STX12: variants seen among roughly 807,000 people sequenced by gnomAD.
STX12 encodes the protein syntaxin 12, also known as syntaxin-12.
STX12 carries 17 observed loss-of-function variants against 42.2 expected under a neutral mutation model. That is an observed-to-expected ratio of 0.40 (90% CI 0.28 to 0.60). The LOEUF is 0.60. STX12 is among the 20% of genes least tolerant of loss of function. The pLI is 0.39. For missense variants in STX12, 297 were observed against 330.9 expected, an observed-to-expected ratio of 0.90 and a Z score of 0.79; for synonymous variants, 108 against 116.7, an observed-to-expected ratio of 0.93 and a Z score of 0.48.
In STX12 at chr1:27,782,493, C is replaced by T. The variant is rs1018183597; in HGVS notation, c.119-7069C>T. On this transcript the variant is annotated intron_variant, in intron 1 of 8. Coordinates refer to ENST00000373943, the MANE Select transcript of STX12 (RefSeq NM_177424.3). Reference sequence around the variant, plus strand: ...AAATTATACCTTTGATATTTAGTATCCATTTTCACTTTAGTCTAGAACTTT... The same window carrying T: ...AAATTATACCTTTGATATTTAGTATTCATTTTCACTTTAGTCTAGAACTTT... Among the ~76,000 whole-genome samples, 5 of 152,104 alleles carry T rather than the reference C, an allele frequency of 3.3e-5. No homozygotes were observed. In the South Asian group the frequency reaches 8.3e-4, roughly 25 times the overall value.
At chr1:27,800,327 G>T (rs538984580) in intron 3 of STX12, among the ~76,000 whole-genome samples, 1 of 151,998 alleles carries the variant, frequency 6.6e-6, no homozygotes, top group East Asian at 1.9e-4. Context: ...GATTATTCCT[G>T]CCCTCTGAAC....
At chr1:27,800,474 T>C (rs1370232830) in intron 3 of STX12, among the ~76,000 whole-genome samples, 1 of 150,212 alleles carries the variant, frequency 6.7e-6, no homozygotes, top group East Asian at 2.0e-4. Context: ...AACAGGACAA[T>C]GCTGTCAGTA....
chr1:27,784,551 C>T (rs1007062000), intron 1 of STX12, among the ~76,000 whole-genome samples: 13 of 152,112 alleles, frequency 8.5e-5, no homozygotes, highest in Admixed American at 3.9e-4. Flanking sequence ...TAAGTATGCT[C>T]AAGGGCAAAT....
chr1:27,788,620 C>T (rs1046265900), intron 1 of STX12, among the ~76,000 whole-genome samples: 3 of 152,142 alleles, frequency 2.0e-5, no homozygotes, highest in Admixed American at 6.5e-5. Context: ...ATCTGATGTA[C>T]TGGGCATTGA....
intron 5 of STX12, among the ~76,000 whole-genome samples, chr1:27,810,529 A>G (rs1272890973): frequency 6.6e-6 from 1 of 152,180 alleles, no homozygotes. Flanking sequence ...ATTGATGTCT[A>G]TGTGTTAAGC....
chr1:27,782,683 CAAA>C (rs890497786), intron 1 of STX12, among the ~76,000 whole-genome samples: 12 of 151,962 alleles, frequency 7.9e-5, no homozygotes, highest in Admixed American at 2.0e-4. Context: ...TAAAAATATA[CAAA>C]TTAGCCCGGC....
chr1:27,822,186 T>A (rs780925098), intron 8 of STX12, 45 bp from the exon 9 acceptor site: 3 of 1,210,618 alleles, frequency 2.5e-6, no homozygotes, highest in African/African-American at 3.0e-5. Context: ...ACATACAAAT[T>A]TTACTTGTTT....
At chr1:27,812,043 C>A in intron 5 of STX12, 120 bp from the exon 6 acceptor site, 1 of 794,372 alleles carries the variant, frequency 1.3e-6, no homozygotes, top group Non-Finnish European at 2.2e-6. Flanking sequence ...TTATTGATAG[C>A]AGAGGACTGG....
intron 1 of STX12, among the ~76,000 whole-genome samples, chr1:27,781,604 G>C (rs1425309996): frequency 6.6e-6 from 1 of 152,158 alleles, no homozygotes; most frequent in Non-Finnish European, 1.5e-5. Context: ...CTTAAGAAAT[G>C]TTAGCTCTCA....
At chr1:27,815,801 A>G (rs968556413) in intron 6 of STX12, among the ~76,000 whole-genome samples, 2 of 152,224 alleles carry the variant, frequency 1.3e-5, no homozygotes, top group African/African-American at 4.8e-5. Context: ...TCAAATTTCC[A>G]TAGGGTCATG....
Position 27,822,431 on chromosome 1 carries a change from G to A in STX12, c.*102G>A, listed in dbSNP as rs1421868600. On this transcript the variant is annotated 3_prime_UTR_variant, in exon 9 of 9. Transcript: ENST00000373943. ...ACAAGAAGACAGCATATATCAGAAC[G>A]TCCTGTAATCATTTAGTTAGAAACT... 4 of 751,260 alleles carry A rather than the reference G, an allele frequency of 5.3e-6. No individual in the cohort carries two copies. The highest frequency in any genetic ancestry group is 3.1e-5 in the South Asian group (2 of 65,304). The allele number at this position is 751,260 out of a possible 1,614,324, so 46.5% of individuals were successfully genotyped here.
intron 4 of STX12, among the ~76,000 whole-genome samples, chr1:27,802,836 A>G (rs1400868615): frequency 2.0e-5 from 3 of 152,238 alleles, no homozygotes; most frequent in Non-Finnish European, 4.4e-5. Flanking sequence ...TTTTTATATT[A>G]GAATTATAAG....
chr1:27,785,229 A>T (rs1308862016), intron 1 of STX12, among the ~76,000 whole-genome samples: 1 of 152,154 alleles, frequency 6.6e-6, no homozygotes, highest in East Asian at 1.9e-4. Flanking sequence ...CATATATTCA[A>T]CCATTTTCTG....
rs760968301 is a variant in STX12, at chr1:27,822,647, C to T, written c.*318C>T. The T allele has an allele frequency of 2.9e-5, 7 of 239,100 alleles. No homozygotes were observed. Among genetic ancestry groups the T allele is most frequent in the African/African-American group, 4.4e-5 (2 of 45,204 alleles). 14.8% of individuals were successfully genotyped at this position (239,100 alleles called of 1,614,324 possible). ...ATTCTTGTTTTGACAAATGACACTA[C>T]AGTCTCGTAATATTGTCTTTTATGT... On this transcript the variant is annotated 3_prime_UTR_variant, in exon 9 of 9. Transcript: ENST00000373943.
chr1:27,777,138 T>C (rs947051670), intron 1 of STX12, among the ~76,000 whole-genome samples: 8 of 151,896 alleles, frequency 5.3e-5, no homozygotes, highest in African/African-American at 1.9e-4. Context: ...ATAAATAATG[T>C]CAAGTAATAA....
At chr1:27,795,098 C>T (rs2088774697) in intron 3 of STX12, among the ~76,000 whole-genome samples, 1 of 152,064 alleles carries the variant, frequency 6.6e-6, no homozygotes, top group Non-Finnish European at 1.5e-5. Context: ...CAAAGCCTTT[C>T]AACTTCCCTG....
At chr1:27,777,390 C>T (rs1326467537) in intron 1 of STX12, among the ~76,000 whole-genome samples, 4 of 152,034 alleles carry the variant, frequency 2.6e-5, no homozygotes, top group African/African-American at 9.7e-5. Flanking sequence ...GGCTGGAGTA[C>T]CGTTAGAAAA....
chr1:27,776,007 A>G (rs2088625711), intron 1 of STX12, among the ~76,000 whole-genome samples: 1 of 152,174 alleles, frequency 6.6e-6, no homozygotes, highest in Non-Finnish European at 1.5e-5. Context: ...GGATTTAGTT[A>G]TTTAGGAAAG....
In STX12 at chr1:27,773,220, C is replaced by T. The variant is rs1432318452; in HGVS notation, c.-88C>T. The T allele has an allele frequency of 2.3e-6, 2 of 857,812 alleles. No homozygotes were observed. Among genetic ancestry groups the T allele is most frequent in the Admixed American group, 2.4e-5 (1 of 42,266 alleles). 53.1% of individuals were successfully genotyped at this position (857,812 alleles called of 1,614,324 possible). On this transcript the variant is annotated 5_prime_UTR_variant, in exon 1 of 9. Coordinates refer to ENST00000373943, the MANE Select transcript of STX12 (RefSeq NM_177424.3). The stretch of plus-strand genomic sequence containing the variant: ...AGCTCCTTCCCCGCCCTTGCTCTTC[C>T]CAGTTTCTCCGTCAGCCTGCGGGTC...
Sources: gnomAD v4.1 joint callset for allele counts (sites outside exome capture counted in the v4.1 genomes callset) on GRCh38, gnomAD v4.1.1 for gene constraint, MANE v1.5 for transcripts, NCBI Gene and HGNC (gene_info 2026-07-23, HGNC 2026-07-21) for gene names.